The following ARK2C variants were observed in gnomAD, a reference collection of about 807,000 sequenced individuals.
The protein encoded by ARK2C is E3 ubiquitin-protein ligase ARK2C.
the ARK2C span, among the ~76,000 whole-genome samples, chr18:46,370,055 G>C: frequency 6.6e-6 from 1 of 152,206 alleles, no homozygotes; most frequent in Non-Finnish European, 1.5e-5. Context: ...CCCTCAATGT[G>C]AAGGAGCTGA....
At chr18:46,345,390 C>A in the ARK2C span, among the ~76,000 whole-genome samples, 1 of 152,126 alleles carries the variant, frequency 6.6e-6, no homozygotes, top group Non-Finnish European at 1.5e-5. Context: ...TGGCACAGTC[C>A]CATCCTGAAG....
chr18:46,403,851 C>T, the ARK2C span, among the ~76,000 whole-genome samples: 126 of 152,242 alleles, frequency 8.3e-4, no homozygotes, highest in Middle Eastern at 3.4e-3. Flanking sequence ...GCACTCCAGC[C>T]TGGCAACAGA....
At chr18:46,446,107 G>A in the ARK2C span, among the ~76,000 whole-genome samples, 1 of 152,124 alleles carries the variant, frequency 6.6e-6, no homozygotes, top group African/African-American at 2.4e-5. Context: ...ATACTTCATA[G>A]GTGATATTGT....
the ARK2C span, chr18:46,456,480 G>A: frequency 6.9e-7 from 1 of 1,450,644 alleles, no homozygotes; most frequent in Non-Finnish European, 9.7e-7. Context: ...GTGTCCCTCA[G>A]CTCTTGCCGG....
the ARK2C span, among the ~76,000 whole-genome samples, chr18:46,397,077 T>C: frequency 6.6e-6 from 1 of 152,202 alleles, no homozygotes; most frequent in Non-Finnish European, 1.5e-5. Context: ...GTCCGTGAGG[T>C]TGGCTTCCCC....
chr18:46,363,443 G>T, the ARK2C span, among the ~76,000 whole-genome samples: 1 of 152,238 alleles, frequency 6.6e-6, no homozygotes. Flanking sequence ...GCATGTGCCT[G>T]CCTGGAGACA....
At chr18:46,392,192 GTCATCCTTGCCTCCAAC>G in the ARK2C span, among the ~76,000 whole-genome samples, 1 of 152,112 alleles carries the variant, frequency 6.6e-6, no homozygotes. Flanking sequence ...ACATACTGTG[GTCATCCTTGCCTCCAAC>G]TCATCCCCAT....
At chr18:46,339,753 C>T in the ARK2C span, among the ~76,000 whole-genome samples, 193 of 152,290 alleles carry the variant, frequency 1.3e-3, no homozygotes, top group African/African-American at 4.4e-3. Flanking sequence ...AATAATTTTC[C>T]GCAAACCAGC....
the ARK2C span, among the ~76,000 whole-genome samples, chr18:46,395,241 A>G: frequency 6.6e-6 from 1 of 152,242 alleles, no homozygotes; most frequent in African/African-American, 2.4e-5. Context: ...CCTTGAGCCC[A>G]CGTCTCCAGG....
chr18:46,377,688 G>C, the ARK2C span, among the ~76,000 whole-genome samples: 1 of 152,146 alleles, frequency 6.6e-6, no homozygotes, highest in Admixed American at 6.5e-5. Flanking sequence ...CATTAATTTC[G>C]CATGAGGGCA....
At chr18:46,413,749 G>A in the ARK2C span, among the ~76,000 whole-genome samples, 2 of 152,054 alleles carry the variant, frequency 1.3e-5, no homozygotes. Context: ...TGCTCTGTGT[G>A]TTTTAAAAAG....
At chr18:46,404,998 A>T in the ARK2C span, among the ~76,000 whole-genome samples, 4 of 152,126 alleles carry the variant, frequency 2.6e-5, no homozygotes, top group East Asian at 7.7e-4. Context: ...TGTTGTTTCC[A>T]CTGGACCACA....
the ARK2C span, among the ~76,000 whole-genome samples, chr18:46,399,826 C>G: frequency 6.6e-6 from 1 of 152,240 alleles, no homozygotes; most frequent in Admixed American, 6.5e-5. Flanking sequence ...TCTTATTCTT[C>G]TCCTTCAGGT....
At chr18:46,345,014 A>T in the ARK2C span, among the ~76,000 whole-genome samples, 1 of 151,926 alleles carries the variant, frequency 6.6e-6, no homozygotes, top group East Asian at 1.9e-4. Context: ...CTGGGTCAGG[A>T]GGGAAGCTGA....
chr18:46,376,450 G>C, the ARK2C span, among the ~76,000 whole-genome samples: 9 of 152,172 alleles, frequency 5.9e-5, no homozygotes, highest in African/African-American at 2.2e-4. Flanking sequence ...AGAGCATAAA[G>C]GAAACAGAAG....
chr18:46,340,142 T>A, the ARK2C span, among the ~76,000 whole-genome samples: 1 of 152,206 alleles, frequency 6.6e-6, no homozygotes, highest in Non-Finnish European at 1.5e-5. Flanking sequence ...CTAAACAGCT[T>A]TGTAAAAATT....
the ARK2C span, among the ~76,000 whole-genome samples, chr18:46,448,123 T>C: frequency 4.7e-5 from 7 of 149,746 alleles, no homozygotes. Flanking sequence ...GGATTCCATA[T>C]GACCTGGCTT....
chr18:46,392,391 C>A, the ARK2C span, among the ~76,000 whole-genome samples: 1 of 152,252 alleles, frequency 6.6e-6, no homozygotes, highest in Non-Finnish European at 1.5e-5. Flanking sequence ...TGTAAGCTCC[C>A]CCAGGCTAAG....
chr18:46,339,001 G>A, the ARK2C span, among the ~76,000 whole-genome samples: 17 of 152,090 alleles, frequency 1.1e-4, no homozygotes, highest in African/African-American at 4.1e-4. Context: ...GGCCCTCTTT[G>A]TTCTCGTGCT....
Sources: allele counts gnomAD v4.1 joint callset (sites outside exome capture counted in the v4.1 genomes callset), GRCh38; gene constraint gnomAD v4.1.1; transcripts MANE v1.5; gene names NCBI Gene and HGNC (gene_info 2026-07-23, HGNC 2026-07-21).